Variants in GRM7 observed in about 807,000 individuals in gnomAD.
GRM7 encodes metabotropic glutamate receptor 7.
A neutral mutation model predicts 84.5 loss-of-function variants in GRM7; 35 were observed. That is an observed-to-expected ratio of 0.41 (90% CI 0.32 to 0.55). GRM7 has a LOEUF of 0.55. GRM7 is among the 20% of genes least tolerant of loss of function. The pLI, the probability that GRM7 is intolerant of heterozygous loss-of-function variation, is 0.19. For synonymous variants in GRM7, 487 were observed against 455.1 expected, an observed-to-expected ratio of 1.07 and a Z score of -0.89; for missense variants, 1,003 against 1,194.6, an observed-to-expected ratio of 0.84 and a Z score of 2.36.
At chr3:7,727,445 G>T (rs79587306) in intron 9 of GRM7, among the ~76,000 whole-genome samples, 2,113 of 152,162 alleles carry the variant, frequency 0.014, 49 homozygotes, top group East Asian at 0.066. Flanking sequence ...AAATTCACTG[G>T]TGTTTTAATT....
intron 8 of GRM7, among the ~76,000 whole-genome samples, chr3:7,652,712 C>T (rs1699001495): frequency 6.6e-6 from 1 of 152,084 alleles, no homozygotes; most frequent in Non-Finnish European, 1.5e-5. Context: ...TATGGTTGGC[C>T]ATGCCAGTCA....
intron 4 of GRM7, among the ~76,000 whole-genome samples, chr3:7,327,443 A>G (rs1182556382): frequency 6.6e-6 from 1 of 152,186 alleles, no homozygotes; most frequent in Non-Finnish European, 1.5e-5. Flanking sequence ...TTTAAATTCT[A>G]TTATGTAATC....
rs192352140 is a variant in GRM7, at chr3:7,466,819, G to A, written c.1515+5097G>A. 3.0e-4 allele frequency among the ~76,000 whole-genome samples: 45 copies of A among 152,220 alleles called. No individual in the cohort carries two copies. In the East Asian group the frequency reaches 7.9e-3, roughly 27 times the overall value. ...TAGACCAACTTTCTGATCTTCTGAG[G>A]TATATGGGGTTTCTTGACTTTTTCT... On this transcript the variant is annotated intron_variant, in intron 7 of 9. Transcript: ENST00000357716.
At chr3:7,298,892 G>T in intron 3 of GRM7, 67 bp downstream of exon 3, 2 of 1,378,730 alleles carry the variant, frequency 1.5e-6, no homozygotes, top group South Asian at 2.3e-5. Flanking sequence ...AGATTAGGCT[G>T]CTGGCTGAGA....
At chr3:7,285,391 T>A (rs1315968536) in intron 2 of GRM7, among the ~76,000 whole-genome samples, 1 of 152,154 alleles carries the variant, frequency 6.6e-6, no homozygotes, top group Non-Finnish European at 1.5e-5. Flanking sequence ...TCCCAGTGTG[T>A]CTCCAATCAA....
chr3:7,432,871 A>G (rs1424742093), intron 5 of GRM7, among the ~76,000 whole-genome samples: 1 of 152,214 alleles, frequency 6.6e-6, no homozygotes, highest in East Asian at 1.9e-4. Flanking sequence ...ATGGAAGTGT[A>G]TGGAGGATAA....
chr3:7,142,306 A>G (rs1480991264), intron 1 of GRM7, among the ~76,000 whole-genome samples: 1 of 152,154 alleles, frequency 6.6e-6, no homozygotes, highest in African/African-American at 2.4e-5. Context: ...TCACACTGCT[A>G]TAAAGAACTG....
chr3:7,550,479 CCTTCCTTTCCTTTCTCTCCTCCT>C (rs1693400024), intron 7 of GRM7, among the ~76,000 whole-genome samples: 2 of 127,524 alleles, frequency 1.6e-5, no homozygotes, highest in South Asian at 6.0e-4. Flanking sequence ...TCCTTTCTTT[CCTTCCTTTCCTTTCTCTCCTCCT>C]CTTCCTTCTT....
intron 7 of GRM7, among the ~76,000 whole-genome samples, chr3:7,522,133 C>G (rs1418554807): frequency 3.3e-5 from 5 of 152,026 alleles, no homozygotes; most frequent in Admixed American, 2.6e-4. Flanking sequence ...CTTTGTCTAA[C>G]CTGGAAATAA....
chr3:7,394,766 G>T (rs1695139800), intron 4 of GRM7, among the ~76,000 whole-genome samples: 1 of 152,118 alleles, frequency 6.6e-6, no homozygotes, highest in South Asian at 2.1e-4. Flanking sequence ...CAGCAGATGT[G>T]GTGGCTCATG....
At chr3:7,498,462 G>C (rs1407655766) in intron 7 of GRM7, among the ~76,000 whole-genome samples, 1 of 152,158 alleles carries the variant, frequency 6.6e-6, no homozygotes, top group Non-Finnish European at 1.5e-5. Flanking sequence ...ATTGTTTCTT[G>C]TTAAGCAAAA....
At chr3:7,431,714 G>T (rs146565912) in intron 5 of GRM7, among the ~76,000 whole-genome samples, 264 of 152,220 alleles carry the variant, frequency 1.7e-3, no homozygotes, top group Middle Eastern at 6.8e-3. Flanking sequence ...TGAATGTAAC[G>T]TGGTGAGGAC....
intron 1 of GRM7, among the ~76,000 whole-genome samples, chr3:6,922,730 T>A (rs899117859): frequency 4.1e-4 from 63 of 152,306 alleles, no homozygotes; most frequent in Middle Eastern, 3.4e-3. Context: ...CTTAACACAT[T>A]ATAATTCATC....
chr3:7,172,460 T>TTGCTAGAAG (rs1695013004), intron 2 of GRM7, among the ~76,000 whole-genome samples: 1 of 152,126 alleles, frequency 6.6e-6, no homozygotes, highest in Non-Finnish European at 1.5e-5. Flanking sequence ...CTATTTCTTT[T>TTGCTAGAAG]TGCTAGAAGC....
intron 2 of GRM7, among the ~76,000 whole-genome samples, chr3:7,148,139 G>C (rs1209934945): frequency 7.2e-5 from 11 of 152,062 alleles, no homozygotes; most frequent in Admixed American, 7.2e-4. Context: ...GTGATTTATA[G>C]GACTCATTAA....
chr3:6,872,682 C>A (rs1437350783), intron 1 of GRM7, among the ~76,000 whole-genome samples: 2 of 151,394 alleles, frequency 1.3e-5, no homozygotes, highest in East Asian at 3.9e-4. Flanking sequence ...TCTTGTTGTT[C>A]AACTCCCACT....
At chr3:6,872,666 A>G (rs1695165550) in intron 1 of GRM7, among the ~76,000 whole-genome samples, 1 of 148,904 alleles carries the variant, frequency 6.7e-6, no homozygotes, top group Non-Finnish European at 1.5e-5. Flanking sequence ...CCCTGTGTCC[A>G]TATGTTCTTG....
chr3:7,193,434 G>GT (rs1328163620), intron 2 of GRM7, among the ~76,000 whole-genome samples: 1 of 152,058 alleles, frequency 6.6e-6, no homozygotes, highest in East Asian at 1.9e-4. Context: ...ATAAAACCTT[G>GT]TTGGCCATTA....
At position 7,572,875 on chromosome 3, in the gene GRM7, T is replaced by A. The variant is rs1439155637; in HGVS notation, c.1516-5547T>A. Among the ~76,000 whole-genome samples the A allele has an allele frequency of 1.6e-3, 109 of 66,434 alleles. 3 individuals carry two copies. The highest frequency in any genetic ancestry group is 6.0e-3 in the African/African-American group (103 of 17,132). The allele number at this position is 66,434 out of a possible 152,430, so 43.6% of individuals were successfully genotyped here. A position where few individuals can be genotyped will look rare whatever the true frequency, so the allele number is the denominator to read the frequency against. Reference sequence around the variant, plus strand: ...ATATATATATATATATATATATATATATATAAATAATCTTTCTACCTATAA... The same window carrying A: ...ATATATATATATATATATATATATAAATATAAATAATCTTTCTACCTATAA... On this transcript the variant is annotated intron_variant, in intron 7 of 9. Transcript: ENST00000357716.
Sources: gnomAD v4.1 joint callset for allele counts (sites outside exome capture counted in the v4.1 genomes callset) on GRCh38, gnomAD v4.1.1 for gene constraint, MANE v1.5 for transcripts, NCBI Gene and HGNC (gene_info 2026-07-23, HGNC 2026-07-21) for gene names.